Variants in DNAH10 observed in about 807,000 individuals in gnomAD.
DNAH10 encodes the protein dynein axonemal heavy chain 10.
DNAH10 carries 348 observed loss-of-function variants against 506.6 expected under a neutral mutation model. That is an observed-to-expected ratio of 0.69 (90% CI 0.63 to 0.75). The LOEUF (loss-of-function observed/expected upper bound fraction) is 0.75. DNAH10 is among the 30% of genes least tolerant of loss of function. DNAH10 has a pLI of 0.00. For synonymous variants in DNAH10, 2,059 were observed against 2,198.6 expected, an observed-to-expected ratio of 0.94 and a Z score of 1.78; for missense variants, 5,179 against 5,787.1, an observed-to-expected ratio of 0.89 and a Z score of 3.41.
In DNAH10 at chr12:123,897,837, A is replaced by G. The variant is rs1953324993; in HGVS notation, c.9348A>G (p.Gln3116=). ...TGAAGCATGTTGTCTTGGTTCACCA[A>G]TCCGTGGACCACTACAGCCAACAGT... The part of the protein sequence containing the change: ...NVVKHVVLVH[Q]SVDHYSQQFL... The change falls in exon 55 of 79, where the codon CAA becomes CAG. Residue 3116 remains glutamine (Q), a synonymous_variant. Coordinates refer to ENST00000673944, the MANE Select transcript of DNAH10 (RefSeq NM_001372106.1). The G allele has an allele frequency of 2.5e-6, 4 of 1,612,104 alleles. No homozygotes were observed. The highest frequency in any genetic ancestry group is 3.4e-6 in the Non-Finnish European group (4 of 1,179,422).
chr12:123,924,517 GA>G, intron 67 of DNAH10, 85 bp downstream of exon 67: 13 of 1,517,258 alleles, frequency 8.6e-6, no homozygotes, highest in Non-Finnish European at 1.2e-5. Flanking sequence ...CCCCTTAAGA[GA>G]AGACACTCCT....
At position 123,931,458 on chromosome 12, in the gene DNAH10, T is replaced by G; in HGVS notation, c.12902T>G (p.Leu4301Arg). Residue 4301 changes from leucine to arginine, a missense_variant, in exon 74 of 79, where the codon CTG becomes CGG. By Grantham distance (102) the Leu-to-Arg change is moderately radical (BLOSUM62 -2). Around this residue, in one of 3 missense-constraint regions of DNAH10, gnomAD observed 4,844 missense variants for 5,430.5 expected, o/e 0.89. Coordinates refer to ENST00000673944, the MANE Select transcript of DNAH10 (RefSeq NM_001372106.1). ...ARDMWAHLLELQPQTGESSSG... is the reference protein window; with the variant it reads ...ARDMWAHLLERQPQTGESSSG... Reference sequence around the variant, plus strand: ...GACATGTGGGCTCACCTGCTGGAGCTGCAGCCTCAGACAGGTAAACTCTAC... The same window carrying G: ...GACATGTGGGCTCACCTGCTGGAGCGGCAGCCTCAGACAGGTAAACTCTAC... The G allele has an allele frequency of 6.2e-7, 1 of 1,613,852 alleles. No homozygotes were observed. Among genetic ancestry groups the G allele is most frequent in the Non-Finnish European group, 8.5e-7 (1 of 1,179,770 alleles).
chr12:123,903,155 C>G lies in DNAH10; in HGVS notation c.9815+42C>G, dbSNP rs774321846. ...ACCATTCTGGGCTTCCATTCCACCTCTGCAAGCCAGTAGTCTCCATGATCG... is the reference window on the plus strand; with the variant it reads ...ACCATTCTGGGCTTCCATTCCACCTGTGCAAGCCAGTAGTCTCCATGATCG... On this transcript the variant is annotated intron_variant, in intron 57 of 78. Coordinates refer to ENST00000673944, the MANE Select transcript of DNAH10 (RefSeq NM_001372106.1). This position sits in a 1 kb window ranked among gnomAD's most constrained non-coding sequence, Gnocchi z 4.6. The G allele has an allele frequency of 3.5e-5, 54 of 1,559,568 alleles. No individual in the cohort carries two copies. In the South Asian group the frequency reaches 4.2e-4, roughly 12 times the overall value.
Position 123,923,748 on chromosome 12 carries a change from G to C in DNAH10, c.11507-15G>C. ...AATTTTAAGAAATCAATACTCATCTGATGTTTCCCTCCAGGGCTGTTTGAG... is the reference window on the plus strand; with the variant it reads ...AATTTTAAGAAATCAATACTCATCTCATGTTTCCCTCCAGGGCTGTTTGAG... On this transcript the variant is annotated splice_polypyrimidine_tract_variant and intron_variant, in intron 65 of 78. Transcript: ENST00000673944. The C allele has an allele frequency of 6.4e-7, 1 of 1,571,284 alleles. No homozygotes were observed. Among genetic ancestry groups the C allele is most frequent in the East Asian group, 2.3e-5 (1 of 44,442 alleles).
rs558369165 is a variant in DNAH10 at position 123,934,504 on chromosome 12, C to T, written c.13478-117C>T. 178 of 1,301,216 alleles carry T rather than the reference C, an allele frequency of 1.4e-4. 1 individual carries two copies. In the African/African-American group the frequency reaches 1.7e-3, roughly 13 times the overall value. 80.6% of individuals were successfully genotyped at this position (1,301,216 alleles called of 1,614,324 possible). A position where few individuals can be genotyped will look rare whatever the true frequency, so the allele number is the denominator to read the frequency against. On this transcript the variant is annotated intron_variant, in intron 77 of 78. Coordinates refer to ENST00000673944, the MANE Select transcript of DNAH10 (RefSeq NM_001372106.1). ...AGAAGGGCCTGGGCTGTCCCCAATG[C>T]GCTGGGGAGGAGGCCAGCCAGTGGC...
intron 39 of DNAH10, 91 bp from the exon 40 acceptor site, chr12:123,864,504 A>C: frequency 6.7e-7 from 1 of 1,497,972 alleles, no homozygotes; most frequent in East Asian, 2.4e-5. Flanking sequence ...CCCTGGGAAA[A>C]AGACATTCAA....
At chr12:123,772,237 G>GC (rs1326658827) in intron 3 of DNAH10, among the ~76,000 whole-genome samples, 1 of 152,106 alleles carries the variant, frequency 6.6e-6, no homozygotes, top group Admixed American at 6.6e-5. Flanking sequence ...TATGACTGGG[G>GC]CCCCAGCAAA....
chr12:123,926,432 G>T lies in DNAH10; in HGVS notation c.11922-205G>T. ...ATCGAGTGTGAGGGGGTACAGAGAA[G>T]TCCCTGCCACTCAGGAGTTCCCCAT... On this transcript the variant is annotated intron_variant, in intron 68 of 78. Coordinates refer to ENST00000673944, the MANE Select transcript of DNAH10 (RefSeq NM_001372106.1). The surrounding 1 kb of genome is among the most constrained non-coding windows in gnomAD (Gnocchi z 4.1). 1 of 566,748 alleles carries T rather than the reference G, an allele frequency of 1.8e-6. No individual in the cohort carries two copies. Among genetic ancestry groups the T allele is most frequent in the Non-Finnish European group, 3.0e-6 (1 of 331,924 alleles). 35.1% of individuals were successfully genotyped at this position (566,748 alleles called of 1,614,324 possible). A position where few individuals can be genotyped will look rare whatever the true frequency, so the allele number is the denominator to read the frequency against.
rs1957811475 is a variant in DNAH10, at chr12:123,785,470, A to G, written c.1231-276A>G. Reference sequence around the variant, plus strand: ...AACATAGTGCGACCTCATCTCTACAAAAATAAAAATAAAAAATTAGCCGGT... The same window carrying G: ...AACATAGTGCGACCTCATCTCTACAGAAATAAAAATAAAAAATTAGCCGGT... On this transcript the variant is annotated intron_variant, in intron 8 of 78. Transcript: ENST00000673944. This position sits in a 1 kb window ranked among gnomAD's most constrained non-coding sequence, Gnocchi z 4.1. Among the ~76,000 whole-genome samples, 1 of 152,062 alleles carries G rather than the reference A, an allele frequency of 6.6e-6. No homozygotes were observed. The highest frequency in any genetic ancestry group is 2.4e-5 in the African/African-American group (1 of 41,410).
chr12:123,923,708 A>G lies in DNAH10; in HGVS notation c.11507-55A>G, dbSNP rs76233642. 18,662 of 1,304,450 alleles carry G rather than the reference A, an allele frequency of 0.014. 1,327 individuals are homozygous for G. In the African/African-American group the frequency reaches 0.19, roughly 13 times the overall value. 80.8% of individuals were successfully genotyped at this position (1,304,450 alleles called of 1,614,324 possible). On this transcript the variant is annotated intron_variant, in intron 65 of 78. Transcript: ENST00000673944. ...TAAGCACAGTGTGCATAAGAAACTC[A>G]GTTTTTTAAAAATGAATTTTAAGAA...
At chr12:123,800,928 A>G (rs1443244372) in intron 15 of DNAH10, among the ~76,000 whole-genome samples, 1 of 152,024 alleles carries the variant, frequency 6.6e-6, no homozygotes, top group Non-Finnish European at 1.5e-5. Context: ...GAGGCAGGAG[A>G]ATTGCCTGAA....
Position 123,928,480 on chromosome 12 carries a change from G to A in DNAH10, c.12199G>A (p.Glu4067Lys). ...CCTGGTCAAGTGGCTGAAAGATCTG[G>A]AGAAGTCCCTGGAGAGGATCACCAA... ...HLLVKWLKDL[E>K]KSLERITKPH... The change falls in exon 70 of 79, where the codon GAG (glutamate) becomes AAG (lysine). Residue 4067 changes from glutamate to lysine, a missense_variant. This residue lies in a region of DNAH10 where 4,844 missense variants were observed against 5,430.5 expected (regional missense o/e 0.89). Transcript: ENST00000673944. This position sits in a 1 kb window ranked among gnomAD's most constrained non-coding sequence, Gnocchi z 4.9. The A allele has an allele frequency of 6.2e-7, 1 of 1,610,996 alleles. No individual in the cohort carries two copies. Among genetic ancestry groups the A allele is most frequent in the Non-Finnish European group, 8.5e-7 (1 of 1,178,784 alleles).
chr12:123,901,939 G>C (rs1048343286), intron 56 of DNAH10, among the ~76,000 whole-genome samples: 1 of 152,194 alleles, frequency 6.6e-6, no homozygotes, highest in Non-Finnish European at 1.5e-5. Context: ...GGGATTACAG[G>C]TGTGAGCCAC....
intron 72 of DNAH10, chr12:123,929,980 C>T (rs1032645916): frequency 1.7e-6 from 1 of 602,744 alleles, no homozygotes; most frequent in Non-Finnish European, 2.9e-6. Flanking sequence ...GCTGGGGATC[C>T]AGGCAAGGCA....
chr12:123,912,990 C>A, intron 59 of DNAH10, 108 bp from the exon 60 acceptor site: 3 of 1,059,906 alleles, frequency 2.8e-6, no homozygotes, highest in Non-Finnish European at 4.1e-6. Context: ...CTCTGAAAAG[C>A]ACAGACACCA....
intron 38 of DNAH10, among the ~76,000 whole-genome samples, chr12:123,859,669 G>A (rs1371041518): frequency 1.3e-5 from 2 of 152,198 alleles, no homozygotes; most frequent in Admixed American, 6.5e-5. Context: ...CTCCCCGGGT[G>A]CCTTATAATC....
At chr12:123,783,618 C>T (rs930034123) in intron 7 of DNAH10, among the ~76,000 whole-genome samples, 2 of 152,192 alleles carry the variant, frequency 1.3e-5, no homozygotes, top group Non-Finnish European at 1.5e-5. Context: ...CTGATCAGGG[C>T]TCTGGCTATA....
In DNAH10 at chr12:123,909,973, G is replaced by A. The variant is rs1313912094; in HGVS notation, c.9997+531G>A. 6.6e-6 allele frequency among the ~76,000 whole-genome samples: 1 copy of A among 152,250 alleles called. No individual in the cohort carries two copies. Among genetic ancestry groups the A allele is most frequent in the Non-Finnish European group, 1.5e-5 (1 of 68,054 alleles). ...AGTTCCTGACCCTGCCCAGTGCTCAGCCAGGCGGTGATAGTGTAATGGTGT... is the reference window on the plus strand; with the variant it reads ...AGTTCCTGACCCTGCCCAGTGCTCAACCAGGCGGTGATAGTGTAATGGTGT... On this transcript the variant is annotated intron_variant, in intron 58 of 78. Transcript: ENST00000673944. This position sits in a 1 kb window ranked among gnomAD's most constrained non-coding sequence, Gnocchi z 5.4.
rs186899892 is a variant in DNAH10, at chr12:123,853,245, C to T, written c.6331C>T (p.Arg2111Trp). 1.6e-4 allele frequency: 257 copies of T among 1,610,494 alleles called. No individual in the cohort carries two copies. The African/African-American group carries it at 2.1e-3, about 13-fold the overall frequency. ...GATGACGGTTCTGTATAAGCTGGCC[C>T]GGGAGCAGCTGTCCAAGCAGTATCA... is the stretch of plus-strand genomic sequence containing the variant. ...KKMTVLYKLA[R>W]EQLSKQYHYD... The change falls in exon 36 of 79, where the codon CGG becomes TGG. Residue 2111 changes from arginine (R) to tryptophan (W), a missense_variant. This residue lies in a region of DNAH10 where 4,844 missense variants were observed against 5,430.5 expected (regional missense o/e 0.89). Transcript: ENST00000673944. This position sits in a 1 kb window ranked among gnomAD's most constrained non-coding sequence, Gnocchi z 4.7.
Sources: gnomAD v4.1 joint callset for allele counts (sites outside exome capture counted in the v4.1 genomes callset) on GRCh38, gnomAD v4.1.1 for gene constraint, gnomAD v4.1.1 regional missense constraint, Gnocchi (gnomAD v3.1) non-coding constraint, MANE v1.5 for transcripts, NCBI Gene and HGNC (gene_info 2026-07-23, HGNC 2026-07-21) for gene names.